The following FARP2 variants were observed in gnomAD, a reference collection of about 807,000 sequenced individuals.
The protein encoded by FARP2 is FERM, ARHGEF and pleckstrin domain-containing protein 2.
In FARP2, 111 loss-of-function variants were observed where a neutral mutation model predicts 130.5. The observed-to-expected ratio is 0.85, with a 90% CI of 0.73 to 1.00. The LOEUF is 1.00. Among genes scored for constraint, FARP2 ranks in the 50% least tolerant of loss-of-function variants. FARP2 has a pLI of 0.00. For missense variants in FARP2, 1,385 were observed against 1,346.3 expected, an observed-to-expected ratio of 1.03 and a Z score of -0.45; for synonymous variants, 504 against 516.9, an observed-to-expected ratio of 0.98 and a Z score of 0.34.
chr2:241,411,540 A>G (rs2062518904), intron 6 of FARP2, among the ~76,000 whole-genome samples: 1 of 152,258 alleles, frequency 6.6e-6, no homozygotes, highest in Admixed American at 6.5e-5. Context: ...TGAAGGAAAA[A>G]GAAGACATTT....
chr2:241,445,464 C>T (rs1026322778), intron 13 of FARP2: 2 of 152,164 alleles, frequency 1.3e-5, no homozygotes, highest in African/African-American at 2.4e-5. Flanking sequence ...GAGGCACTGA[C>T]GTTGCTCTTT....
intron 23 of FARP2, 53 bp downstream of exon 23, chr2:241,491,232 T>C (rs890442632): frequency 3.6e-5 from 48 of 1,332,154 alleles, no homozygotes; most frequent in Non-Finnish European, 4.5e-5. Context: ...TAAGGAGGCT[T>C]TTTTTGGAAA....
At chr2:241,364,111 C>T (rs1164202265) in intron 1 of FARP2, among the ~76,000 whole-genome samples, 1 of 152,220 alleles carries the variant, frequency 6.6e-6, no homozygotes, top group East Asian at 1.9e-4. Context: ...TCTAGATTAT[C>T]CAGGTGGGCC....
chr2:241,373,365 G>T, intron 2 of FARP2, 75 bp downstream of exon 2: 2 of 1,095,734 alleles, frequency 1.8e-6, no homozygotes, highest in Non-Finnish European at 2.4e-6. Flanking sequence ...ATTCCATTTT[G>T]CTGGTTAGAC....
intron 2 of FARP2, among the ~76,000 whole-genome samples, chr2:241,384,625 A>T (rs1279010657): frequency 1.3e-5 from 2 of 152,224 alleles, no homozygotes; most frequent in Admixed American, 6.5e-5. Context: ...ATGTTTTCTC[A>T]TAATTACACT....
Position 241,356,314 on chromosome 2 carries a change from C to A in FARP2, c.-99C>A. 1 of 152,462 alleles carries A rather than the reference C, an allele frequency of 6.6e-6. No individual in the cohort carries two copies. The highest frequency in any genetic ancestry group is 2.0e-4 in the South Asian group (1 of 5,126). 9.4% of individuals were successfully genotyped at this position (152,462 alleles called of 1,614,324 possible). ...GGGAGCAGGCGACGCCGACGCGAGT[C>A]TGGCGGCTGCTGCTTGCGACTGCGG... is the stretch of plus-strand genomic sequence containing the variant. On this transcript the variant is annotated 5_prime_UTR_variant, in exon 1 of 27. The change creates a new upstream start codon in the 5' untranslated region. Transcript: ENST00000264042.
At chr2:241,485,929 G>A (rs1039276511) in intron 21 of FARP2, among the ~76,000 whole-genome samples, 1 of 152,142 alleles carries the variant, frequency 6.6e-6, no homozygotes, top group African/African-American at 2.4e-5. Flanking sequence ...CTTTCTTCAA[G>A]GGTCTTATCC....
At chr2:241,381,855 G>A (rs905777658) in intron 2 of FARP2, among the ~76,000 whole-genome samples, 1 of 152,228 alleles carries the variant, frequency 6.6e-6, no homozygotes, top group African/African-American at 2.4e-5. Flanking sequence ...TGGGGATGAA[G>A]CTGCCCCTGG....
At chr2:241,378,354 G>A (rs982536546) in intron 2 of FARP2, among the ~76,000 whole-genome samples, 6 of 148,150 alleles carry the variant, frequency 4.0e-5, no homozygotes, top group East Asian at 2.0e-4. Context: ...TAAGTGATCC[G>A]CCTCCCCCCC....
intron 14 of FARP2, among the ~76,000 whole-genome samples, chr2:241,458,988 C>G (rs1387626056): frequency 1.3e-5 from 2 of 152,232 alleles, no homozygotes; most frequent in Non-Finnish European, 2.9e-5. Context: ...TTGGGCCCAG[C>G]CCCTGCGTGT....
Position 241,418,776 on chromosome 2 carries a change from TA to T in FARP2, c.771+668del, listed in dbSNP as rs377762703. Reference sequence around the variant, plus strand: ...CTTAAGTGTGACTGCTAGTGCCGACTAGAAGGAGCTTTTCTCCTTATTCAGG... The same window carrying T: ...CTTAAGTGTGACTGCTAGTGCCGACTGAAGGAGCTTTTCTCCTTATTCAGG... On this transcript the variant is annotated intron_variant, in intron 8 of 26. Coordinates refer to ENST00000264042, the MANE Select transcript of FARP2 (RefSeq NM_014808.4). Among the ~76,000 whole-genome samples the T allele has an allele frequency of 2.0e-4, 31 of 152,320 alleles. No homozygotes were observed. In the East Asian group the frequency reaches 5.2e-3, roughly 26 times the overall value.
chr2:241,381,558 C>A (rs2061664385), intron 2 of FARP2, among the ~76,000 whole-genome samples: 1 of 152,120 alleles, frequency 6.6e-6, no homozygotes, highest in Non-Finnish European at 1.5e-5. Flanking sequence ...AGGTGCAGTG[C>A]TTTTCAGGGT....
At chr2:241,484,036 C>T (rs1353862756) in intron 20 of FARP2, 8 of 1,364,954 alleles carry the variant, frequency 5.9e-6, no homozygotes, top group East Asian at 3.0e-5. Context: ...GGAGCTGACC[C>T]AGCAGATGCA....
At chr2:241,464,244 G>A (rs901673543) in intron 17 of FARP2, among the ~76,000 whole-genome samples, 1 of 150,846 alleles carries the variant, frequency 6.6e-6, no homozygotes, top group Non-Finnish European at 1.5e-5. Context: ...CTCAGAGCAG[G>A]GTCTCCTCAA....
At chr2:241,483,877 G>A in intron 20 of FARP2, 1 of 985,480 alleles carries the variant, frequency 1.0e-6, no homozygotes. Flanking sequence ...AGTCGGGACA[G>A]TTTCACTGTT....
At chr2:241,488,148 G>A (rs1377554586) in intron 21 of FARP2, 1 of 148,518 alleles carries the variant, frequency 6.7e-6, no homozygotes. Context: ...ATAATTTGTT[G>A]AATACCAAAC....
intron 2 of FARP2, among the ~76,000 whole-genome samples, chr2:241,391,728 G>C (rs772227304): frequency 3.2e-4 from 48 of 152,084 alleles, no homozygotes; most frequent in Non-Finnish European, 5.4e-4. Context: ...CCACTACATT[G>C]CAGTAGTTAG....
At chr2:241,458,622 C>A (rs2063929518) in intron 14 of FARP2, among the ~76,000 whole-genome samples, 1 of 151,674 alleles carries the variant, frequency 6.6e-6, no homozygotes, top group Admixed American at 6.6e-5. Context: ...AAAAAGATGT[C>A]TTTTTATTTT....
intron 4 of FARP2, among the ~76,000 whole-genome samples, chr2:241,405,992 A>G (rs984186523): frequency 1.3e-5 from 2 of 151,948 alleles, no homozygotes; most frequent in African/African-American, 4.8e-5. Context: ...TTTTTCATTT[A>G]TCATTTTTTT....
Sources: gnomAD v4.1 joint callset for allele counts (sites outside exome capture counted in the v4.1 genomes callset) on GRCh38, gnomAD v4.1.1 for gene constraint, MANE v1.5 for transcripts, NCBI Gene and HGNC (gene_info 2026-07-23, HGNC 2026-07-21) for gene names.